SFMBT1: variants seen among roughly 807,000 people sequenced by gnomAD.
SFMBT1 encodes the protein scm-like with four MBT domains protein 1.
A neutral mutation model predicts 108.7 loss-of-function variants in SFMBT1; 32 were observed. That is an observed-to-expected ratio of 0.29 (90% CI 0.22 to 0.40). The LOEUF (loss-of-function observed/expected upper bound fraction) is 0.40. Ranked by LOEUF, SFMBT1 falls within the 10% of genes least tolerant of loss-of-function variation. The probability of loss-of-function intolerance (pLI) is 1.00; values close to 1 mark genes in which losing one functional copy is unlikely to be tolerated. For missense variants in SFMBT1, 816 were observed against 1,059.6 expected (o/e 0.77, Z 3.19); for synonymous variants, 348 against 369.5 (o/e 0.94, Z 0.67).
rs138473847 is a variant in SFMBT1, at chr3:52,914,509, G to A, written c.1481-892C>T. 3.3e-3 allele frequency among the ~76,000 whole-genome samples: 509 copies of A among 152,136 alleles called. 5 individuals are homozygous for A. The highest frequency in any genetic ancestry group is 0.011 in the African/African-American group (458 of 41,506). Reference sequence around the variant, plus strand: ...TGGGAGGCCAACGGGGGAGCACATCGCTTGAGTCCAGTTTGAGACCAGCCT... The same window carrying A: ...TGGGAGGCCAACGGGGGAGCACATCACTTGAGTCCAGTTTGAGACCAGCCT... On this transcript the variant is annotated intron_variant, in intron 14 of 20. Transcript: ENST00000394752.
intron 1 of SFMBT1, chr3:53,045,137 C>T (rs1700180791): frequency 6.6e-6 from 1 of 151,548 alleles, no homozygotes; most frequent in Admixed American, 6.6e-5. Context: ...CGGGTCGGCG[C>T]GGGGTCCAGC....
At chr3:52,989,169 TAA>T (rs1705031694) in intron 1 of SFMBT1, among the ~76,000 whole-genome samples, 1 of 152,134 alleles carries the variant, frequency 6.6e-6, no homozygotes, top group Non-Finnish European at 1.5e-5. Context: ...TTTGTGAACT[TAA>T]ATGCAATATT....
chr3:52,925,891 A>C (rs1702643070), intron 10 of SFMBT1, 140 bp downstream of exon 10: 7 of 659,846 alleles, frequency 1.1e-5, no homozygotes, highest in Non-Finnish European at 1.7e-5. Context: ...TTTCCTTTAG[A>C]CCATGTGATT....
chr3:52,929,490 C>T (rs538237827), intron 8 of SFMBT1, among the ~76,000 whole-genome samples: 3 of 152,286 alleles, frequency 2.0e-5, no homozygotes, highest in Non-Finnish European at 2.9e-5. Context: ...CTGCCTGCCC[C>T]GGCGTCCCAA....
At position 52,916,139 on chromosome 3, in the gene SFMBT1, T is replaced by C. The variant is rs1024739733; in HGVS notation, c.1480+11A>G. 3.7e-6 allele frequency: 6 copies of C among 1,611,424 alleles called. No homozygotes were observed. The highest frequency in any genetic ancestry group is 1.1e-5 in the South Asian group (1 of 90,660). On this transcript the variant is annotated intron_variant, in intron 14 of 20. Coordinates refer to ENST00000394752, the MANE Select transcript of SFMBT1 (RefSeq NM_016329.4). ...AAGTCTTCTTTTCCTTAAGATGACA[T>C]GTGCTTATACCTGACTCTGTGGAGT...
At chr3:53,028,699 C>A (rs892092958) in intron 1 of SFMBT1, among the ~76,000 whole-genome samples, 4 of 152,098 alleles carry the variant, frequency 2.6e-5, no homozygotes, top group Non-Finnish European at 4.4e-5. Context: ...AAAAAAATTA[C>A]CTGCTAGAAC....
At chr3:52,976,819 G>C (rs1704535445) in intron 1 of SFMBT1, among the ~76,000 whole-genome samples, 1 of 152,142 alleles carries the variant, frequency 6.6e-6, no homozygotes, top group Non-Finnish European at 1.5e-5. Context: ...TAATTGTAGG[G>C]AATGACTGGT....
intron 4 of SFMBT1, among the ~76,000 whole-genome samples, chr3:52,942,096 G>A (rs1434010370): frequency 4.0e-5 from 6 of 151,710 alleles, no homozygotes; most frequent in African/African-American, 1.5e-4. Context: ...CAAGAAAATA[G>A]AAATGAAAAT....
chr3:53,032,630 T>A (rs1699726914), intron 1 of SFMBT1, among the ~76,000 whole-genome samples: 1 of 152,226 alleles, frequency 6.6e-6, no homozygotes, highest in Non-Finnish European at 1.5e-5. Context: ...AATAACATTA[T>A]AAGTGGATAT....
intron 1 of SFMBT1, among the ~76,000 whole-genome samples, chr3:52,987,678 G>C (rs1704975431): frequency 6.6e-6 from 1 of 152,150 alleles, no homozygotes; most frequent in Non-Finnish European, 1.5e-5. Flanking sequence ...TAGAGTGATG[G>C]CCCTAGATGA....
intron 2 of SFMBT1, among the ~76,000 whole-genome samples, chr3:52,959,102 A>G (rs773940357): frequency 2.0e-5 from 3 of 151,908 alleles, no homozygotes; most frequent in Non-Finnish European, 1.5e-5. Flanking sequence ...CATCGGGGGG[A>G]AAAGCATACA....
chr3:53,009,825 A>C (rs1446890532), intron 1 of SFMBT1, among the ~76,000 whole-genome samples: 4 of 152,240 alleles, frequency 2.6e-5, no homozygotes, highest in African/African-American at 9.6e-5. Flanking sequence ...ACAAAATATT[A>C]GAAAAATTAT....
At chr3:52,958,182 T>C (rs888024953) in intron 2 of SFMBT1, among the ~76,000 whole-genome samples, 3 of 152,132 alleles carry the variant, frequency 2.0e-5, no homozygotes, top group Admixed American at 6.5e-5. Flanking sequence ...AAAGAAGACA[T>C]TTATGTGGGC....
intron 12 of SFMBT1, among the ~76,000 whole-genome samples, chr3:52,920,285 C>T (rs992766489): frequency 6.6e-6 from 1 of 152,206 alleles, no homozygotes; most frequent in Non-Finnish European, 1.5e-5. Context: ...TGACTGGAGC[C>T]CTGGCTGACA....
chr3:52,916,577 G>A (rs964674093), intron 13 of SFMBT1, among the ~76,000 whole-genome samples: 5 of 151,520 alleles, frequency 3.3e-5, no homozygotes, highest in East Asian at 1.9e-4. Context: ...GCTGAGGGAG[G>A]AGAATGGCGT....
chr3:52,913,257 G>A (rs541727676), intron 15 of SFMBT1, among the ~76,000 whole-genome samples: 7 of 151,976 alleles, frequency 4.6e-5, no homozygotes, highest in East Asian at 1.9e-4. Context: ...TTTCTACCCT[G>A]ACAGAGGTGA....
At chr3:52,930,838 C>A in intron 7 of SFMBT1, 103 bp downstream of exon 7, 1 of 833,138 alleles carries the variant, frequency 1.2e-6, no homozygotes, top group South Asian at 1.6e-5. Flanking sequence ...GAGACCATGG[C>A]ATTCTTACCG....
chr3:53,029,031 G>A (rs1314962742), intron 1 of SFMBT1, among the ~76,000 whole-genome samples: 1 of 152,062 alleles, frequency 6.6e-6, no homozygotes, highest in Non-Finnish European at 1.5e-5. Context: ...AAATTAGCCA[G>A]GCATGGTGGC....
At chr3:52,995,039 A>T (rs1169000906) in intron 1 of SFMBT1, among the ~76,000 whole-genome samples, 1 of 149,536 alleles carries the variant, frequency 6.7e-6, no homozygotes, top group Non-Finnish European at 1.5e-5. Flanking sequence ...AAGCAAGAAA[A>T]AAAAAAGGAA....
Sources: allele counts gnomAD v4.1 joint callset (sites outside exome capture counted in the v4.1 genomes callset), GRCh38; gene constraint gnomAD v4.1.1; transcripts MANE v1.5; gene names NCBI Gene and HGNC (gene_info 2026-07-23, HGNC 2026-07-21).